RALGPS1: variants seen among roughly 807,000 people sequenced by gnomAD.
RALGPS1 encodes the protein ras-specific guanine nucleotide-releasing factor RalGPS1.
In RALGPS1, 19 loss-of-function variants were observed where a neutral mutation model predicts 78.8. That is an observed-to-expected ratio of 0.24 (90% confidence interval 0.17 to 0.35). The LOEUF is 0.35. Ranked by LOEUF, RALGPS1 falls within the 10% of genes least tolerant of loss-of-function variation. The probability of loss-of-function intolerance (pLI) is 1.00; values close to 1 mark genes in which losing one functional copy is unlikely to be tolerated. For synonymous variants in RALGPS1, 228 were observed against 256.3 expected (o/e 0.89, Z 1.06); for missense variants, 454 against 688.3 (o/e 0.66, Z 3.81).
At chr9:127,007,667 G>A (rs573827923) in intron 4 of RALGPS1, among the ~76,000 whole-genome samples, 177 of 152,294 alleles carry the variant, frequency 1.2e-3, no homozygotes, top group African/African-American at 3.7e-3. Flanking sequence ...GCAAGAGAAA[G>A]CAAGACAGGG....
At chr9:127,144,017 C>T (rs1299028801) in intron 8 of RALGPS1, among the ~76,000 whole-genome samples, 2 of 152,202 alleles carry the variant, frequency 1.3e-5, no homozygotes, top group African/African-American at 4.8e-5. Context: ...GAGACTAGCC[C>T]CCAGATCCCC....
chr9:127,044,697 C>T (rs1185505650), intron 5 of RALGPS1, among the ~76,000 whole-genome samples: 1 of 151,940 alleles, frequency 6.6e-6, no homozygotes, highest in Non-Finnish European at 1.5e-5. Flanking sequence ...AGCATAGTAC[C>T]CAATAATAGG....
chr9:127,188,475 A>T (rs1216052944), intron 11 of RALGPS1, among the ~76,000 whole-genome samples: 1 of 151,974 alleles, frequency 6.6e-6, no homozygotes, highest in Non-Finnish European at 1.5e-5. Flanking sequence ...ATTACGGTGG[A>T]TTGGTCTGTC....
intron 8 of RALGPS1, among the ~76,000 whole-genome samples, chr9:127,149,185 C>T (rs894507713): frequency 3.3e-5 from 5 of 152,188 alleles, no homozygotes; most frequent in South Asian, 2.1e-4. Flanking sequence ...CCAGGCTGGC[C>T]GGCAGAGGGT....
At chr9:126,942,403 T>C (rs1333076152) in intron 1 of RALGPS1, among the ~76,000 whole-genome samples, 1 of 152,176 alleles carries the variant, frequency 6.6e-6, no homozygotes, top group Non-Finnish European at 1.5e-5. Flanking sequence ...ATATATGATA[T>C]TGAGCAAGAT....
intron 6 of RALGPS1, among the ~76,000 whole-genome samples, chr9:127,051,015 C>A (rs1306385825): frequency 6.6e-6 from 1 of 152,216 alleles, no homozygotes; most frequent in Non-Finnish European, 1.5e-5. Context: ...ATGCTCAGGG[C>A]CCCATAGCCA....
At chr9:126,941,138 C>T (rs1472632492) in intron 1 of RALGPS1, among the ~76,000 whole-genome samples, 1 of 151,212 alleles carries the variant, frequency 6.6e-6, no homozygotes, top group Non-Finnish European at 1.5e-5. Flanking sequence ...ACGCCCCCCC[C>T]CTTTAAAATT....
chr9:127,208,884 C>T (rs551486271), intron 14 of RALGPS1, among the ~76,000 whole-genome samples: 8 of 152,336 alleles, frequency 5.3e-5, no homozygotes, highest in East Asian at 3.9e-4. Context: ...AAGGTAGCCA[C>T]GCTGGCCACC....
chr9:127,164,773 C>T (rs73595457), intron 8 of RALGPS1, among the ~76,000 whole-genome samples: 6,115 of 152,018 alleles, frequency 0.04, 424 homozygotes, highest in African/African-American at 0.14. Flanking sequence ...CTCCTAGGCT[C>T]GAGCAATCCG....
chr9:126,956,096 C>T (rs1049694330), intron 1 of RALGPS1, among the ~76,000 whole-genome samples: 4 of 152,192 alleles, frequency 2.6e-5, no homozygotes, highest in African/African-American at 7.2e-5. Context: ...GAGGGTGTGG[C>T]ACCTTAGCTT....
chr9:127,068,163 A>C (rs2049877559), intron 7 of RALGPS1, among the ~76,000 whole-genome samples: 2 of 152,198 alleles, frequency 1.3e-5, no homozygotes, highest in Admixed American at 1.3e-4. Context: ...CCCTTCGATG[A>C]CTGCATGTAG....
At chr9:127,204,444 C>T in intron 14 of RALGPS1, among the ~76,000 whole-genome samples, 1 of 152,090 alleles carries the variant, frequency 6.6e-6, no homozygotes, top group East Asian at 1.9e-4. Context: ...TTATGAATTT[C>T]CCTCAATAGG....
rs146887662 is a variant in RALGPS1 at position 127,107,929 on chromosome 9, G to A, written c.610+38573G>A. 36 of 1,533,126 alleles carry A rather than the reference G, an allele frequency of 2.3e-5. No individual in the cohort carries two copies. The highest frequency in any genetic ancestry group is 2.1e-4 in the African/African-American group (15 of 72,848). The allele number at this position is 1,533,126 out of a possible 1,614,324, so 95.0% of individuals were successfully genotyped here. ...GAAGCACTTACCCGACGGCTTGTCG[G>A]TGGAAGATGGGAGGCTGGTGAGAGT... On this transcript the variant is annotated intron_variant, in intron 8 of 18. Transcript: ENST00000259351.
At chr9:127,112,744 T>C (rs1264066199) in intron 8 of RALGPS1, among the ~76,000 whole-genome samples, 1 of 152,214 alleles carries the variant, frequency 6.6e-6, no homozygotes, top group Non-Finnish European at 1.5e-5. Flanking sequence ...AGCAATACGA[T>C]AGCAAGAACA....
chr9:126,955,547 A>G (rs1054480573), intron 1 of RALGPS1, among the ~76,000 whole-genome samples: 1 of 152,242 alleles, frequency 6.6e-6, no homozygotes, highest in Non-Finnish European at 1.5e-5. Context: ...TTGTTATTGA[A>G]TACAATAATA....
chr9:127,216,773 C>A (rs1051688810), intron 18 of RALGPS1: 7 of 796,666 alleles, frequency 8.8e-6, no homozygotes, highest in African/African-American at 5.4e-5. Context: ...GCCGCCCCAG[C>A]TTGCATTAAG....
Position 127,022,505 on chromosome 9 carries a change from C to T in RALGPS1, c.217-11926C>T, listed in dbSNP as rs192528861. Reference sequence around the variant, plus strand: ...TCTGCCCAGTCCCTACGTTGTTTTCCCATCCCATGCAGAAAAAAAAAAAAA... The same window carrying T: ...TCTGCCCAGTCCCTACGTTGTTTTCTCATCCCATGCAGAAAAAAAAAAAAA... On this transcript the variant is annotated intron_variant, in intron 4 of 18. Transcript: ENST00000259351. 6.9e-4 allele frequency among the ~76,000 whole-genome samples: 104 copies of T among 149,880 alleles called. No homozygotes were observed. The Middle Eastern group carries it at 0.01, about 15-fold the overall frequency.
chr9:127,002,094 T>C (rs1245721613), intron 4 of RALGPS1, among the ~76,000 whole-genome samples: 2 of 152,148 alleles, frequency 1.3e-5, no homozygotes, highest in Non-Finnish European at 1.5e-5. Flanking sequence ...ATGTAAAACA[T>C]ACCAGCACCC....
chr9:127,202,015 T>C (rs1465771327), intron 14 of RALGPS1, among the ~76,000 whole-genome samples: 2 of 152,116 alleles, frequency 1.3e-5, no homozygotes, highest in Non-Finnish European at 2.9e-5. Context: ...GGCTTGGCCG[T>C]GGTGGGGGAG....
Sources: gnomAD v4.1 joint callset for allele counts (sites outside exome capture counted in the v4.1 genomes callset) on GRCh38, gnomAD v4.1.1 for gene constraint, MANE v1.5 for transcripts, NCBI Gene and HGNC (gene_info 2026-07-23, HGNC 2026-07-21) for gene names.